Variants in NR1H4 observed in about 807,000 individuals in gnomAD.
NR1H4 encodes nuclear receptor subfamily 1 group H member 4, also known as bile acid receptor.
NR1H4 carries 23 observed loss-of-function variants against 58.5 expected under a neutral mutation model. The observed-to-expected ratio is 0.39, with a 90% CI of 0.28 to 0.56. The LOEUF is 0.56. Among genes scored for constraint, NR1H4 ranks in the 20% least tolerant of loss-of-function variants. The probability of loss-of-function intolerance (pLI) is 0.58; values close to 1 mark genes in which losing one functional copy is unlikely to be tolerated. For synonymous variants in NR1H4, 214 were observed against 198.0 expected, an observed-to-expected ratio of 1.08 and a Z score of -0.68; for missense variants, 487 against 576.9, an observed-to-expected ratio of 0.84 and a Z score of 1.60.
At chr12:100,486,584 A>T (rs1374067239) in intron 1 of NR1H4, among the ~76,000 whole-genome samples, 1 of 152,238 alleles carries the variant, frequency 6.6e-6, no homozygotes, top group Admixed American at 6.5e-5. Context: ...GCACCGTCTC[A>T]AACTCCCAAA....
intron 9 of NR1H4, among the ~76,000 whole-genome samples, chr12:100,541,330 G>A (rs926149626): frequency 3.3e-5 from 5 of 151,404 alleles, no homozygotes; most frequent in Non-Finnish European, 7.4e-5. Context: ...TGCCCAGGCT[G>A]GAGTGTAGTG....
intron 1 of NR1H4, among the ~76,000 whole-genome samples, chr12:100,486,357 A>T (rs1222177079): frequency 6.6e-6 from 1 of 152,252 alleles, no homozygotes; most frequent in East Asian, 1.9e-4. Context: ...TAGTAAAGAC[A>T]AAACAGATGA....
chr12:100,506,048 G>C (rs1017534856), intron 3 of NR1H4, among the ~76,000 whole-genome samples: 49 of 149,276 alleles, frequency 3.3e-4, no homozygotes, highest in African/African-American at 1.0e-3. Context: ...CACACAGAGA[G>C]AGAGAGAGAA....
chr12:100,535,696 G>A (rs569911531), intron 6 of NR1H4, among the ~76,000 whole-genome samples: 59 of 152,212 alleles, frequency 3.9e-4, no homozygotes, highest in African/African-American at 1.4e-3. Context: ...TTACAAATAC[G>A]TATTTTTGTA....
intron 9 of NR1H4, among the ~76,000 whole-genome samples, chr12:100,542,998 T>C (rs1954973017): frequency 2.0e-5 from 3 of 152,118 alleles, no homozygotes; most frequent in Admixed American, 2.0e-4. Context: ...CTGTCCATGA[T>C]TATGATAAAA....
chr12:100,516,209 C>A (rs1213194645), intron 4 of NR1H4, among the ~76,000 whole-genome samples: 1 of 152,114 alleles, frequency 6.6e-6, no homozygotes, highest in African/African-American at 2.4e-5. Flanking sequence ...GACTTGAAAC[C>A]TGGACTGGAA....
intron 9 of NR1H4, among the ~76,000 whole-genome samples, chr12:100,554,882 G>A (rs1204571464): frequency 1.3e-5 from 2 of 152,162 alleles, no homozygotes; most frequent in African/African-American, 4.8e-5. Flanking sequence ...TGTTGGCATG[G>A]TTAACTCTGA....
At chr12:100,513,227 A>G (rs951420819) in intron 4 of NR1H4, among the ~76,000 whole-genome samples, 1 of 152,214 alleles carries the variant, frequency 6.6e-6, no homozygotes, top group African/African-American at 2.4e-5. Context: ...CATAGTAAAT[A>G]TGGAATGTCT....
intron 6 of NR1H4, among the ~76,000 whole-genome samples, chr12:100,536,132 G>A (rs541092742): frequency 6.6e-6 from 1 of 151,776 alleles, no homozygotes; most frequent in East Asian, 1.9e-4. Context: ...AATAGTATAT[G>A]AATATAGTAT....
At chr12:100,478,218 C>T (rs1232923003) in intron 1 of NR1H4, among the ~76,000 whole-genome samples, 1 of 152,054 alleles carries the variant, frequency 6.6e-6, no homozygotes, top group Non-Finnish European at 1.5e-5. Context: ...TATGGAGGCT[C>T]TCCATACATT....
chr12:100,529,277 C>T (rs976177723), intron 4 of NR1H4, among the ~76,000 whole-genome samples: 3 of 152,174 alleles, frequency 2.0e-5, no homozygotes, highest in Non-Finnish European at 4.4e-5. Flanking sequence ...CTCTCTGTTT[C>T]CTCCTTTCTC....
At chr12:100,534,769 C>T (rs961002336) in intron 5 of NR1H4, 121 bp from the exon 6 acceptor site, 5 of 1,106,822 alleles carry the variant, frequency 4.5e-6, no homozygotes, top group East Asian at 2.4e-5. Flanking sequence ...AAAAGGCTAG[C>T]GTTAGTTCTG....
chr12:100,518,846 G>A (rs981504187), intron 4 of NR1H4, among the ~76,000 whole-genome samples: 21 of 145,878 alleles, frequency 1.4e-4, no homozygotes, highest in South Asian at 1.1e-3. Context: ...AGGCTGGAGC[G>A]CAGTGGCAAT....
At chr12:100,518,848 A>T (rs935505960) in intron 4 of NR1H4, among the ~76,000 whole-genome samples, 6 of 139,254 alleles carry the variant, frequency 4.3e-5, no homozygotes, top group African/African-American at 1.4e-4. Flanking sequence ...GCTGGAGCGC[A>T]GTGGCAATCT....
intron 1 of NR1H4, among the ~76,000 whole-genome samples, chr12:100,474,590 T>C (rs1476517105): frequency 2.6e-5 from 4 of 152,236 alleles, no homozygotes; most frequent in Non-Finnish European, 5.9e-5. Context: ...GCTTTCCATT[T>C]TGAATATTAA....
At position 100,556,462 on chromosome 12, in the gene NR1H4, C is replaced by T. The variant is rs535582577; in HGVS notation, c.1079-5423C>T. ...AGCCTGGGCAACAAGAGTGAAACTC[C>T]GTCTCAAAGAAAAAAAAAACAAAAA... On this transcript the variant is annotated intron_variant, in intron 9 of 10. Transcript: ENST00000392986. 4.2e-5 allele frequency among the ~76,000 whole-genome samples: 6 copies of T among 143,870 alleles called. No homozygotes were observed. The East Asian group carries it at 5.9e-4, about 14-fold the overall frequency. 94.4% of individuals were successfully genotyped at this position (143,870 alleles called of 152,430 possible). A position where few individuals can be genotyped will look rare whatever the true frequency, so the allele number is the denominator to read the frequency against.
chr12:100,554,700 C>A (rs1333046163), intron 9 of NR1H4, among the ~76,000 whole-genome samples: 1 of 152,090 alleles, frequency 6.6e-6, no homozygotes. Context: ...AAATAGCCCC[C>A]CCTTGTGACC....
intron 4 of NR1H4, among the ~76,000 whole-genome samples, chr12:100,521,209 TA>T (rs912191261): frequency 5.3e-5 from 8 of 152,176 alleles, no homozygotes; most frequent in East Asian, 1.9e-4. Context: ...CTGGTTCCAC[TA>T]AAAATATTTT....
In NR1H4 at chr12:100,545,758, T is replaced by C. The variant is rs563507013; in HGVS notation, c.1078+4940T>C. Among the ~76,000 whole-genome samples the C allele has an allele frequency of 1.9e-4, 29 of 151,746 alleles. No homozygotes were observed. The South Asian group carries it at 3.3e-3, about 17-fold the overall frequency. Reference sequence around the variant, plus strand: ...ATTCAGCACCTACTGTGTGTCAGGCTGTATTATCAGTGTTTGTGTGAGCTT... The same window carrying C: ...ATTCAGCACCTACTGTGTGTCAGGCCGTATTATCAGTGTTTGTGTGAGCTT... On this transcript the variant is annotated intron_variant, in intron 9 of 10. Coordinates refer to ENST00000392986, the MANE Select transcript of NR1H4 (RefSeq NM_001206979.2).
Sources: allele counts gnomAD v4.1 joint callset (sites outside exome capture counted in the v4.1 genomes callset), GRCh38; gene constraint gnomAD v4.1.1; transcripts MANE v1.5; gene names NCBI Gene and HGNC (gene_info 2026-07-23, HGNC 2026-07-21).